Variants in TTC28 observed in about 807,000 individuals in gnomAD.
TTC28 encodes the protein tetratricopeptide repeat domain 28.
TTC28 carries 61 observed loss-of-function variants against 198.0 expected under a neutral mutation model. That is an observed-to-expected ratio of 0.31 (90% CI 0.25 to 0.38). TTC28 has a LOEUF of 0.38. TTC28 is among the 10% of genes least tolerant of loss of function. The pLI, the probability that TTC28 is intolerant of heterozygous loss-of-function variation, is 1.00. For synonymous variants in TTC28, 1,171 were observed against 1,297.8 expected, an observed-to-expected ratio of 0.90 and a Z score of 2.10; for missense variants, 2,678 against 3,164.0, an observed-to-expected ratio of 0.85 and a Z score of 3.69.
Position 28,637,670 on chromosome 22 carries a change from T to G in TTC28, c.103-7840A>C, listed in dbSNP as rs1216298347. On this transcript the variant is annotated intron_variant, in intron 1 of 22. Coordinates refer to ENST00000397906, the MANE Select transcript of TTC28 (RefSeq NM_001145418.2). The stretch of plus-strand genomic sequence containing the variant: ...AAGTCCTTACCTATCAATAATTACT[T>G]TAAGTGTAAATGGAGTAAGTTCTCC... 2.6e-5 allele frequency among the ~76,000 whole-genome samples: 4 copies of G among 152,082 alleles called. No homozygotes were observed. The South Asian group carries it at 6.2e-4, about 24-fold the overall frequency.
intron 2 of TTC28, among the ~76,000 whole-genome samples, chr22:28,493,719 G>C (rs1335607669): frequency 6.6e-6 from 1 of 152,130 alleles, no homozygotes; most frequent in Non-Finnish European, 1.5e-5. Flanking sequence ...TCCTCCCTCT[G>C]CTCCCCACCC....
intron 5 of TTC28, among the ~76,000 whole-genome samples, chr22:28,253,430 T>G (rs1222849010): frequency 1.3e-5 from 2 of 152,208 alleles, no homozygotes; most frequent in Non-Finnish European, 2.9e-5. Context: ...ATGCACTAGC[T>G]TATTTTCTAA....
intron 6 of TTC28, among the ~76,000 whole-genome samples, chr22:28,116,834 C>T (rs549298972): frequency 7.2e-5 from 11 of 152,282 alleles, no homozygotes; most frequent in South Asian, 2.1e-4. Context: ...GGAATTTGTG[C>T]GCTTTCCTGA....
chr22:28,388,184 A>G lies in TTC28; in HGVS notation c.382-81541T>C, dbSNP rs1028046533. On this transcript the variant is annotated intron_variant, in intron 2 of 22. Coordinates refer to ENST00000397906, the MANE Select transcript of TTC28 (RefSeq NM_001145418.2). ...ATGCGGCGTTATTTCTGAGGGCTCT[A>G]TTCTGTTCCATTGATCTATATCTCT... Among the ~76,000 whole-genome samples, 309 of 152,190 alleles carry G rather than the reference A, an allele frequency of 2.0e-3. 2 individuals are homozygous for G. The highest frequency in any genetic ancestry group is 4.4e-3 in the East Asian group (23 of 5,176).
chr22:28,503,724 G>T (rs1379225336), intron 2 of TTC28, among the ~76,000 whole-genome samples: 2 of 152,242 alleles, frequency 1.3e-5, no homozygotes, highest in East Asian at 3.9e-4. Flanking sequence ...GCATATTACA[G>T]ATTATCAAGA....
rs1476943496 is a variant in TTC28 at position 27,991,886 on chromosome 22, T to A, written c.5553+701A>T. The stretch of plus-strand genomic sequence containing the variant: ...GTATTTTCCTAAAAGAAAGCACATC[T>A]GCTAAGCAGTGTCTTGCATGAGAGT... On this transcript the variant is annotated intron_variant, in intron 19 of 22. Transcript: ENST00000397906. Among the ~76,000 whole-genome samples the A allele has an allele frequency of 2.0e-5, 3 of 152,246 alleles. No homozygotes were observed. The East Asian group carries it at 5.8e-4, about 29-fold the overall frequency.
At chr22:28,403,271 T>C (rs2146108451) in intron 2 of TTC28, among the ~76,000 whole-genome samples, 1 of 152,318 alleles carries the variant, frequency 6.6e-6, no homozygotes, top group Non-Finnish European at 1.5e-5. Flanking sequence ...GGCTGACACA[T>C]GGAAAAACGA....
intron 1 of TTC28, among the ~76,000 whole-genome samples, chr22:28,640,848 C>A (rs1182469285): frequency 6.6e-6 from 1 of 152,066 alleles, no homozygotes; most frequent in Non-Finnish European, 1.5e-5. Context: ...CTATATGATC[C>A]AGCAATTCTA....
intron 5 of TTC28, among the ~76,000 whole-genome samples, chr22:28,191,676 G>A (rs563443509): frequency 7.9e-5 from 12 of 152,336 alleles, no homozygotes; most frequent in South Asian, 2.1e-4. Context: ...CTATGCCCAC[G>A]GAGCCTTGCT....
At chr22:28,285,927 A>G (rs1340310647) in intron 5 of TTC28, among the ~76,000 whole-genome samples, 1 of 152,176 alleles carries the variant, frequency 6.6e-6, no homozygotes, top group Non-Finnish European at 1.5e-5. Flanking sequence ...CACACCCATA[A>G]TACATACTAG....
At chr22:28,537,341 A>ACTAAACTAAACTAAACTAAACTAAACT (rs1433014152) in intron 2 of TTC28, among the ~76,000 whole-genome samples, 1 of 140,904 alleles carries the variant, frequency 7.1e-6, no homozygotes, top group East Asian at 2.1e-4. Flanking sequence ...AATAAAATAA[A>ACTAAACTAAACTAAACTAAACTAAACT]AACAAGAATA....
intron 5 of TTC28, among the ~76,000 whole-genome samples, chr22:28,210,014 C>T (rs1412787991): frequency 3.3e-5 from 5 of 152,120 alleles, no homozygotes; most frequent in East Asian, 1.9e-4. Flanking sequence ...ATGGAGATAC[C>T]CTGGCAAACA....
chr22:28,636,325 C>T (rs1267908255), intron 1 of TTC28, among the ~76,000 whole-genome samples: 1 of 151,814 alleles, frequency 6.6e-6, no homozygotes, highest in African/African-American at 2.4e-5. Context: ...CGGGGTTTCA[C>T]CGTGTTAGCC....
chr22:28,151,454 T>G (rs1451522168), intron 6 of TTC28, among the ~76,000 whole-genome samples: 1 of 152,208 alleles, frequency 6.6e-6, no homozygotes, highest in Admixed American at 6.5e-5. Flanking sequence ...CAAAATTTAC[T>G]GCCCCGTCTT....
chr22:28,523,990 C>T (rs1394313966), intron 2 of TTC28, among the ~76,000 whole-genome samples: 6 of 151,946 alleles, frequency 3.9e-5, no homozygotes, highest in East Asian at 3.9e-4. Context: ...TTTCTTCCGC[C>T]CCCTTAAAAC....
rs544591463 is a variant in TTC28 at position 28,290,864 on chromosome 22, A to G, written c.933+5334T>C. ...GAGGTCAAGGCTGCAGTGAGCCATG[A>G]TTGTACCACTGCACTCCAGCCTGAG... On this transcript the variant is annotated intron_variant, in intron 5 of 22. Transcript: ENST00000397906. 2.7e-4 allele frequency among the ~76,000 whole-genome samples: 41 copies of G among 152,188 alleles called. No individual in the cohort carries two copies. The South Asian group carries it at 8.3e-3, about 31-fold the overall frequency.
chr22:28,047,898 G>A (rs1245220168), intron 12 of TTC28, among the ~76,000 whole-genome samples: 1 of 152,168 alleles, frequency 6.6e-6, no homozygotes, highest in East Asian at 1.9e-4. Flanking sequence ...TTGCTGGTAG[G>A]CATGAAGGAA....
intron 5 of TTC28, among the ~76,000 whole-genome samples, chr22:28,201,124 A>C (rs1925898175): frequency 6.6e-6 from 1 of 152,162 alleles, no homozygotes; most frequent in African/African-American, 2.4e-5. Flanking sequence ...CAATCAGGTC[A>C]TTAACCAAGA....
At chr22:28,434,759 A>C (rs1004198466) in intron 2 of TTC28, among the ~76,000 whole-genome samples, 2 of 152,134 alleles carry the variant, frequency 1.3e-5, no homozygotes, top group African/African-American at 4.8e-5. Flanking sequence ...TTATAGGTTC[A>C]AGCCTATATA....
Sources: gnomAD v4.1 joint callset for allele counts (sites outside exome capture counted in the v4.1 genomes callset) on GRCh38, gnomAD v4.1.1 for gene constraint, MANE v1.5 for transcripts, NCBI Gene and HGNC (gene_info 2026-07-23, HGNC 2026-07-21) for gene names.